Variants in EXTL3 observed in about 807,000 individuals in gnomAD.
The protein encoded by EXTL3 is exostosin-like 3.
In EXTL3, 27 loss-of-function variants were observed where a neutral mutation model predicts 69.3. The observed-to-expected ratio is 0.39, with a 90% CI of 0.29 to 0.54. EXTL3 has a LOEUF of 0.54. Among genes scored for constraint, EXTL3 ranks in the 20% least tolerant of loss-of-function variants. EXTL3 has a pLI of 0.69. For missense variants in EXTL3, 1,003 were observed against 1,231.8 expected, an observed-to-expected ratio of 0.81 and a Z score of 2.78; for synonymous variants, 511 against 499.4, an observed-to-expected ratio of 1.02 and a Z score of -0.31.
At chr8:28,646,514 C>A (rs1204722253) in intron 1 of EXTL3, among the ~76,000 whole-genome samples, 2 of 152,178 alleles carry the variant, frequency 1.3e-5, no homozygotes, top group East Asian at 3.8e-4. Context: ...CTCATTACTA[C>A]CCTAGCAGAT....
At chr8:28,657,654 AT>A (rs200613007) in intron 1 of EXTL3, among the ~76,000 whole-genome samples, 1 of 151,548 alleles carries the variant, frequency 6.6e-6, no homozygotes, top group Non-Finnish European at 1.5e-5. Context: ...TGTACACTCT[AT>A]TTTTTTGCTT....
intron 1 of EXTL3, among the ~76,000 whole-genome samples, chr8:28,646,471 A>G (rs1274250911): frequency 2.0e-5 from 3 of 152,172 alleles, no homozygotes; most frequent in African/African-American, 7.2e-5. Context: ...CTTTTTGTCC[A>G]GCAACTCTCT....
rs1802038658 is a variant in EXTL3, at chr8:28,752,886, G to C, written c.*2020G>C. 1 of 152,838 alleles carries C rather than the reference G, an allele frequency of 6.5e-6. No individual in the cohort carries two copies. Among genetic ancestry groups the C allele is most frequent in the South Asian group, 2.1e-4 (1 of 4,832 alleles). The allele number at this position is 152,838 out of a possible 1,614,324, so 9.5% of individuals were successfully genotyped here. A position where few individuals can be genotyped will look rare whatever the true frequency, so the allele number is the denominator to read the frequency against. ...GTGAGGAACTCACATACTGACTTCA[G>C]TGGGACTCGGTGAGCCGGGGCCGTC... is the stretch of plus-strand genomic sequence containing the variant. On this transcript the variant is annotated 3_prime_UTR_variant, in exon 7 of 7. Coordinates refer to ENST00000220562, the MANE Select transcript of EXTL3 (RefSeq NM_001440.4).
chr8:28,745,929 A>G (rs1202862391), intron 6 of EXTL3, among the ~76,000 whole-genome samples: 2 of 152,216 alleles, frequency 1.3e-5, no homozygotes, highest in East Asian at 3.9e-4. Flanking sequence ...GAAGAATTCA[A>G]GATTGGGATG....
At chr8:28,695,214 C>G (rs1800668511) in intron 1 of EXTL3, among the ~76,000 whole-genome samples, 1 of 150,240 alleles carries the variant, frequency 6.7e-6, no homozygotes, top group Non-Finnish European at 1.5e-5. Flanking sequence ...ACTGCAACCT[C>G]TGCCTCCTGG....
At chr8:28,667,746 A>G (rs1807218665) in intron 1 of EXTL3, among the ~76,000 whole-genome samples, 1 of 151,452 alleles carries the variant, frequency 6.6e-6, no homozygotes, top group South Asian at 2.1e-4. Context: ...CAGCATTAGG[A>G]GATATACCTA....
At chr8:28,709,545 CTT>C (rs1800990722) in intron 1 of EXTL3, among the ~76,000 whole-genome samples, 1 of 152,030 alleles carries the variant, frequency 6.6e-6, no homozygotes, top group African/African-American at 2.4e-5. Flanking sequence ...TGTAGTTTAA[CTT>C]TTTTTCTTTC....
chr8:28,729,371 C>T (rs1428133765), intron 3 of EXTL3, among the ~76,000 whole-genome samples: 2 of 146,558 alleles, frequency 1.4e-5, no homozygotes, highest in Admixed American at 6.8e-5. Flanking sequence ...CCAAGGTGGG[C>T]GGATCATGAG....
intron 1 of EXTL3, among the ~76,000 whole-genome samples, chr8:28,666,974 C>G (rs1028164571): frequency 6.6e-6 from 1 of 152,190 alleles, no homozygotes; most frequent in African/African-American, 2.4e-5. Context: ...CACAGCAATG[C>G]AACCTGGAGA....
At chr8:28,729,506 GAATCAC>G (rs1230079689) in intron 3 of EXTL3, among the ~76,000 whole-genome samples, 2 of 136,234 alleles carry the variant, frequency 1.5e-5, no homozygotes, top group Non-Finnish European at 3.0e-5. Context: ...TGAGGCAGGA[GAATCAC>G]TTGAACTCAG....
In EXTL3 at chr8:28,715,773, C is replaced by A; in HGVS notation, c.-287C>A. On this transcript the variant is annotated 5_prime_UTR_variant, in exon 3 of 7. Coordinates refer to ENST00000220562, the MANE Select transcript of EXTL3 (RefSeq NM_001440.4). ...CCTGGGTTTCATCATCAGGTACCTC[C>A]TCCCTTTCATCTCAGCAAGAATGTG... The A allele has an allele frequency of 2.3e-6, 1 of 440,974 alleles. No homozygotes were observed. The highest frequency in any genetic ancestry group is 4.1e-6 in the Non-Finnish European group (1 of 245,920). 27.3% of individuals were successfully genotyped at this position (440,974 alleles called of 1,614,324 possible).
intron 1 of EXTL3, among the ~76,000 whole-genome samples, chr8:28,662,683 G>A (rs1807135066): frequency 6.6e-6 from 1 of 152,194 alleles, no homozygotes; most frequent in African/African-American, 2.4e-5. Context: ...GGAGGCCAAG[G>A]CGGGTGGATA....
chr8:28,711,183 CCT>C (rs559198095), intron 1 of EXTL3, among the ~76,000 whole-genome samples: 3 of 152,070 alleles, frequency 2.0e-5, no homozygotes, highest in Non-Finnish European at 2.9e-5. Flanking sequence ...GGTGATAGCC[CCT>C]GTTTCATTCC....
intron 1 of EXTL3, among the ~76,000 whole-genome samples, chr8:28,712,886 C>T (rs372074104): frequency 6.6e-6 from 1 of 152,142 alleles, no homozygotes; most frequent in African/African-American, 2.4e-5. Context: ...TTTTAATAAC[C>T]TCTGTTTAGA....
upstream of EXTL3, chr8:28,696,806 G>A (rs762122138): frequency 2.0e-5 from 3 of 151,860 alleles, no homozygotes; most frequent in Admixed American, 6.6e-5. Flanking sequence ...GTGATCTGCC[G>A]GCCTCAGCCT....
chr8:28,676,021 CAAAAA>C (rs386412447), intron 1 of EXTL3, among the ~76,000 whole-genome samples: 1 of 105,398 alleles, frequency 9.5e-6, no homozygotes, highest in Non-Finnish European at 1.8e-5. Flanking sequence ...GACTCCATCT[CAAAAA>C]AAAAAAAAAA....
chr8:28,740,858 G>C (rs1801763490), intron 5 of EXTL3: 1 of 152,180 alleles, frequency 6.6e-6, no homozygotes, highest in Admixed American at 6.5e-5. Context: ...AAATTTTAGT[G>C]AAAGCAGTAG....
At chr8:28,691,590 T>C (rs1800614498) in intron 1 of EXTL3, among the ~76,000 whole-genome samples, 1 of 151,644 alleles carries the variant, frequency 6.6e-6, no homozygotes, top group African/African-American at 2.4e-5. Context: ...TTTTTGCTAT[T>C]GTGTTCCTAC....
intron 1 of EXTL3, among the ~76,000 whole-genome samples, chr8:28,642,550 C>G (rs556729779): frequency 2.7e-5 from 4 of 150,766 alleles, no homozygotes; most frequent in Non-Finnish European, 5.9e-5. Flanking sequence ...TCCAGGAGTT[C>G]GAGGCTGCAG....
Sources: allele counts gnomAD v4.1 joint callset (sites outside exome capture counted in the v4.1 genomes callset), GRCh38; gene constraint gnomAD v4.1.1; transcripts MANE v1.5; gene names NCBI Gene and HGNC (gene_info 2026-07-23, HGNC 2026-07-21).